SLMAP: variants seen among roughly 807,000 people sequenced by gnomAD.
The protein encoded by SLMAP is sarcolemmal membrane-associated protein.
Under a neutral mutation model 128.8 loss-of-function variants are expected in SLMAP, and 44 were observed. That is an observed-to-expected ratio of 0.34 (90% CI 0.27 to 0.44). The LOEUF (loss-of-function observed/expected upper bound fraction) is 0.44. Ranked by LOEUF, SLMAP falls within the 20% of genes least tolerant of loss-of-function variation. The pLI is 1.00. For synonymous variants in SLMAP, 327 were observed against 348.8 expected (o/e 0.94, Z 0.70); for missense variants, 787 against 985.3 (o/e 0.80, Z 2.69).
At position 57,841,303 on chromosome 3, in the gene SLMAP, C is replaced by A; in HGVS notation, c.351C>A (p.Thr117=). 1 of 1,592,856 alleles carries A rather than the reference C, an allele frequency of 6.3e-7. No individual in the cohort carries two copies. ...VDVTENTRKV[T]HGCIVSTIKL... ...TTATTTGTTTGTTTCAACCAGTTAC[C>A]CATGGGTGTATTGTTTCCACAATAA... Residue 117 remains threonine, a synonymous_variant, in exon 4 of 25, where the codon ACC becomes ACA. Transcript: ENST00000671191.
intron 15 of SLMAP, among the ~76,000 whole-genome samples, chr3:57,893,138 T>C (rs149636275): frequency 9.5e-4 from 145 of 152,124 alleles, no homozygotes; most frequent in Admixed American, 4.8e-3. Flanking sequence ...AGAGTAGATA[T>C]ATGCTTTCAA....
chr3:57,804,687 G>GT (rs1278749061), intron 2 of SLMAP, among the ~76,000 whole-genome samples: 5 of 152,198 alleles, frequency 3.3e-5, no homozygotes, highest in Admixed American at 3.3e-4. Context: ...CGAGGCTGCA[G>GT]TGAGCCATGA....
rs116731261 is a variant in SLMAP at position 57,914,321 on chromosome 3, G to T, written c.2138+1046G>T. Among the ~76,000 whole-genome samples, 378 of 152,276 alleles carry T rather than the reference G, an allele frequency of 2.5e-3. 1 individual carries two copies. Among genetic ancestry groups the T allele is most frequent in the African/African-American group, 8.6e-3 (357 of 41,538 alleles). On this transcript the variant is annotated intron_variant, in intron 21 of 24. Transcript: ENST00000671191. The stretch of plus-strand genomic sequence containing the variant: ...AGGTGAGAGGATCACTTGAGCCTAG[G>T]AGGTGGGGACTGCAATAAGCCATGA...
intron 2 of SLMAP, among the ~76,000 whole-genome samples, chr3:57,782,736 G>C (rs959895782): frequency 2.0e-5 from 3 of 152,208 alleles, no homozygotes; most frequent in African/African-American, 7.2e-5. Flanking sequence ...GCCTCCCAAA[G>C]TGCTGGGATT....
chr3:57,780,797 C>G (rs1182442074), intron 2 of SLMAP, among the ~76,000 whole-genome samples: 12 of 151,644 alleles, frequency 7.9e-5, no homozygotes. Flanking sequence ...GCACGCACCA[C>G]CATGCTTGGC....
intron 13 of SLMAP, among the ~76,000 whole-genome samples, chr3:57,868,507 C>T (rs1236353592): frequency 1.3e-5 from 2 of 151,262 alleles, no homozygotes; most frequent in Non-Finnish European, 2.9e-5. Flanking sequence ...GGGAAGACTG[C>T]TTGAGGCCAT....
chr3:57,893,826 C>T (rs570255778), intron 15 of SLMAP, among the ~76,000 whole-genome samples: 2 of 152,262 alleles, frequency 1.3e-5, no homozygotes, highest in East Asian at 3.9e-4. Flanking sequence ...ATGAATGCAG[C>T]AGCGGTCACA....
At chr3:57,757,940 A>G (rs2077888180) in intron 2 of SLMAP, 91 bp downstream of exon 2, 1 of 1,109,414 alleles carries the variant, frequency 9.0e-7, no homozygotes, top group East Asian at 2.6e-5. Flanking sequence ...GCAGGATCCC[A>G]GGGTTTGCAT....
At chr3:57,837,842 G>T (rs750815986) in intron 3 of SLMAP, among the ~76,000 whole-genome samples, 7 of 152,198 alleles carry the variant, frequency 4.6e-5, no homozygotes, top group Non-Finnish European at 8.8e-5. Context: ...CAAATCAAAA[G>T]GATAACATGT....
intron 2 of SLMAP, among the ~76,000 whole-genome samples, chr3:57,787,373 A>G (rs2084433588): frequency 6.6e-6 from 1 of 152,140 alleles, no homozygotes; most frequent in Non-Finnish European, 1.5e-5. Context: ...GAATCTATAC[A>G]ATCATATTTT....
At position 57,776,522 on chromosome 3, in the gene SLMAP, C is replaced by CTCTCT. The variant is rs571722815; in HGVS notation, c.198+18674_198+18675insCTCTT. The stretch of plus-strand genomic sequence containing the variant: ...ATTTGTCCCTTCTCTCTCTCTCTCT[C>CTCTCT]TTTTTTTTTTTTTTTTTTTTTGAGA... On this transcript the variant is annotated intron_variant, in intron 2 of 24. Coordinates refer to ENST00000671191, the MANE Select transcript of SLMAP (RefSeq NM_001377540.1). 2.6e-3 allele frequency among the ~76,000 whole-genome samples: 237 copies of CTCTCT among 92,596 alleles called. 2 individuals are homozygous for CTCTCT. Among genetic ancestry groups the CTCTCT allele is most frequent in the African/African-American group, 0.01 (223 of 21,402 alleles). 60.7% of individuals were successfully genotyped at this position (92,596 alleles called of 152,430 possible). A position where few individuals can be genotyped will look rare whatever the true frequency, so the allele number is the denominator to read the frequency against.
intron 2 of SLMAP, among the ~76,000 whole-genome samples, chr3:57,793,454 T>C (rs769176858): frequency 6.6e-6 from 1 of 152,242 alleles, no homozygotes; most frequent in Non-Finnish European, 1.5e-5. Flanking sequence ...GATAAAAGTT[T>C]CTGTCCGTAT....
chr3:57,887,724 A>G (rs546715864), intron 14 of SLMAP, among the ~76,000 whole-genome samples: 1 of 152,238 alleles, frequency 6.6e-6, no homozygotes, highest in East Asian at 1.9e-4. Flanking sequence ...TTTCTCTTAA[A>G]TGCTTTGGCC....
chr3:57,831,522 C>A lies in SLMAP; in HGVS notation c.338C>A (p.Thr113Lys), dbSNP rs1323279260. The A allele has an allele frequency of 6.4e-7, 1 of 1,551,692 alleles. No individual in the cohort carries two copies. Among genetic ancestry groups the A allele is most frequent in the African/African-American group, 1.4e-5 (1 of 72,210 alleles). ...IQFGVDVTEN[T>K]RKVTHGCIVS... The stretch of plus-strand genomic sequence containing the variant: ...TTTGGAGTAGACGTGACAGAGAATA[C>A]ACGGAAAGGTACGGGTATGGATCAC... Residue 113 changes from threonine (T) to lysine (K), a missense_variant, in exon 3 of 25, where the codon ACA becomes AAA. Coordinates refer to ENST00000671191, the MANE Select transcript of SLMAP (RefSeq NM_001377540.1).
chr3:57,926,108 CA>C (rs1362728491), intron 24 of SLMAP, 174 bp downstream of exon 24: 9 of 591,170 alleles, frequency 1.5e-5, no homozygotes, highest in Middle Eastern at 2.7e-4. Flanking sequence ...CAACTAATCC[CA>C]TAACTTTTTG....
At position 57,871,314 on chromosome 3, in the gene SLMAP, A is replaced by G. The variant is rs60220512; in HGVS notation, c.1238-322A>G. ...AAATTAATTTAATTTAATAATGACA[A>G]ACTTAAATTATTTAAGGGTATTTGT... On this transcript the variant is annotated intron_variant, in intron 13 of 24. Transcript: ENST00000671191. Among the ~76,000 whole-genome samples, 124 of 152,278 alleles carry G rather than the reference A, an allele frequency of 8.1e-4. No individual in the cohort carries two copies. The East Asian group carries it at 0.019, about 23-fold the overall frequency.
At chr3:57,916,434 C>G (rs942380175) in intron 21 of SLMAP, among the ~76,000 whole-genome samples, 46 of 152,294 alleles carry the variant, frequency 3.0e-4, no homozygotes, top group African/African-American at 1.0e-3. Context: ...GTCTTATGCT[C>G]TTTTCTCAAT....
chr3:57,919,839 C>T (rs564529365), intron 22 of SLMAP, among the ~76,000 whole-genome samples: 1 of 152,026 alleles, frequency 6.6e-6, no homozygotes, highest in South Asian at 2.1e-4. Flanking sequence ...ACACAGTCCA[C>T]CCTGCAAAGA....
chr3:57,900,067 AT>A (rs1380671857), intron 17 of SLMAP: 1 of 152,192 alleles, frequency 6.6e-6, no homozygotes, highest in African/African-American at 2.4e-5. Flanking sequence ...AAAAGTATAA[AT>A]TACTAGACAA....
Sources: allele counts gnomAD v4.1 joint callset (sites outside exome capture counted in the v4.1 genomes callset), GRCh38; gene constraint gnomAD v4.1.1; transcripts MANE v1.5; gene names NCBI Gene and HGNC (gene_info 2026-07-23, HGNC 2026-07-21).